The following CEP83 variants were observed in gnomAD, a reference collection of about 807,000 sequenced individuals.
CEP83 encodes centrosomal protein 83.
In CEP83, 70 loss-of-function variants were observed where a neutral mutation model predicts 101.9. The observed-to-expected ratio is 0.69, with a 90% CI of 0.57 to 0.84. The LOEUF is 0.84. Among genes scored for constraint, CEP83 ranks in the 40% least tolerant of loss-of-function variants. The probability of loss-of-function intolerance (pLI) is 0.00; values close to 1 mark genes in which losing one functional copy is unlikely to be tolerated. For missense variants in CEP83, 715 were observed against 787.2 expected (o/e 0.91, Z 1.10); for synonymous variants, 264 against 267.9 (o/e 0.99, Z 0.14).
chr12:94,305,151 A>C, downstream of CEP83: 5 of 1,436,030 alleles, frequency 3.5e-6, no homozygotes, highest in Non-Finnish European at 4.9e-6. Flanking sequence ...AAACCACAAT[A>C]TCTAAAATAA....
intron 11 of CEP83, among the ~76,000 whole-genome samples, chr12:94,341,755 A>G (rs532042427): frequency 4.6e-5 from 7 of 152,368 alleles, no homozygotes; most frequent in Non-Finnish European, 1.0e-4. Context: ...GCTGTTTTAT[A>G]TAGCAAAAAA....
At chr12:94,370,111 G>T (rs1259510866) in intron 8 of CEP83, 75 bp from the exon 9 acceptor site, 2 of 827,134 alleles carry the variant, frequency 2.4e-6, no homozygotes, top group Non-Finnish European at 4.0e-6. Flanking sequence ...AACATAAGTG[G>T]AAACAAGAAA....
intron 11 of CEP83, among the ~76,000 whole-genome samples, chr12:94,350,617 A>C (rs1040561145): frequency 6.6e-6 from 1 of 150,716 alleles, no homozygotes; most frequent in Admixed American, 6.6e-5. Flanking sequence ...AACAACAACA[A>C]CAAAAAAAAA....
chr12:94,265,789 T>C, the CEP83 span, among the ~76,000 whole-genome samples: 5 of 152,218 alleles, frequency 3.3e-5, no homozygotes, highest in Admixed American at 6.5e-5. Flanking sequence ...AGGAAGATGA[T>C]TGCCTAGCTG....
At chr12:94,385,811 C>G (rs1402178260) in intron 6 of CEP83, among the ~76,000 whole-genome samples, 1 of 152,186 alleles carries the variant, frequency 6.6e-6, no homozygotes, top group Non-Finnish European at 1.5e-5. Context: ...CAGTCAACAA[C>G]AGTCCACATA....
chr12:94,362,493 C>G (rs1444707552), intron 11 of CEP83, among the ~76,000 whole-genome samples: 1 of 152,102 alleles, frequency 6.6e-6, no homozygotes, highest in Non-Finnish European at 1.5e-5. Context: ...AATAAATTAG[C>G]CAGGCATGGT....
chr12:94,321,847 G>A (rs1024902360), intron 14 of CEP83, among the ~76,000 whole-genome samples: 4 of 152,032 alleles, frequency 2.6e-5, no homozygotes, highest in African/African-American at 9.7e-5. Context: ...TTCAGGTTGG[G>A]AGGACGTGCT....
chr12:94,416,218 T>C (rs2064251953), intron 2 of CEP83, among the ~76,000 whole-genome samples: 2 of 152,144 alleles, frequency 1.3e-5, no homozygotes, highest in Non-Finnish European at 2.9e-5. Flanking sequence ...ATGGAACAGA[T>C]ATACATTTTC....
intron 1 of CEP83, among the ~76,000 whole-genome samples, chr12:94,456,047 CAAA>C (rs56804581): frequency 3.9e-5 from 5 of 128,290 alleles, no homozygotes; most frequent in Admixed American, 8.0e-5. Context: ...AACTCCATCT[CAAA>C]AAAAAAAAAA....
intron 11 of CEP83, among the ~76,000 whole-genome samples, chr12:94,353,349 G>T (rs1472591513): frequency 6.6e-6 from 1 of 152,088 alleles, no homozygotes; most frequent in Non-Finnish European, 1.5e-5. Flanking sequence ...ATTCTTAAGG[G>T]AGTCCTACAA....
At position 94,424,375 on chromosome 12, in the gene CEP83, T is replaced by G. The variant is rs898821194; in HGVS notation, c.-102+10900A>C. 7 of 1,613,878 alleles carry G rather than the reference T, an allele frequency of 4.3e-6. No individual in the cohort carries two copies. In the Admixed American group the frequency reaches 1.0e-4, roughly 23 times the overall value. On this transcript the variant is annotated intron_variant, in intron 2 of 16. Coordinates refer to ENST00000397809, the MANE Select transcript of CEP83 (RefSeq NM_016122.3). ...GTACTCCAGGGGGTGTCTTAATATA[T>G]TTTCCATTAAAGTGGGTGATGATGG...
At chr12:94,433,852 C>T (rs1001794931) in intron 2 of CEP83, among the ~76,000 whole-genome samples, 3 of 152,014 alleles carry the variant, frequency 2.0e-5, no homozygotes, top group African/African-American at 7.2e-5. Context: ...AAATGGAATC[C>T]AGTTAAAGTG....
intron 6 of CEP83, among the ~76,000 whole-genome samples, chr12:94,398,022 G>A (rs867633068): frequency 3.6e-4 from 55 of 152,162 alleles, no homozygotes; most frequent in African/African-American, 1.3e-3. Flanking sequence ...CAGGTATAGG[G>A]CATATAGAAT....
the CEP83 span, chr12:94,277,962 C>T: frequency 2.2e-6 from 1 of 456,066 alleles, no homozygotes; most frequent in South Asian, 1.5e-5. Context: ...CTCCCCTGAG[C>T]CCTAGGCAAA....
At chr12:94,369,708 T>A in intron 9 of CEP83, 1 of 366,624 alleles carries the variant, frequency 2.7e-6, no homozygotes, top group East Asian at 4.8e-5. Context: ...CCAATAACTA[T>A]GATAAAAACA....
At chr12:94,282,129 CAAAGT>C in the CEP83 span, 255,945 of 565,560 alleles carry the variant, frequency 0.45, 58,727 homozygotes, top group South Asian at 0.55. Context: ...AACAAACAAA[CAAAGT>C]AAAACAGAAC....
At chr12:94,410,999 C>T (rs538018875) in intron 4 of CEP83, among the ~76,000 whole-genome samples, 50 of 152,206 alleles carry the variant, frequency 3.3e-4, no homozygotes, top group African/African-American at 1.2e-3. Flanking sequence ...TTAATAATAC[C>T]TTATTATTTG....
chr12:94,294,581 C>T, the CEP83 span: 14 of 889,238 alleles, frequency 1.6e-5, no homozygotes, highest in Non-Finnish European at 2.6e-5. Flanking sequence ...TCTCACCCAG[C>T]TTCATAAAGT....
chr12:94,436,506 C>T (rs578023949), intron 1 of CEP83, among the ~76,000 whole-genome samples: 7 of 151,998 alleles, frequency 4.6e-5, no homozygotes, highest in Non-Finnish European at 8.8e-5. Context: ...AAAGACAGGG[C>T]TCTCGAATTA....
Sources: gnomAD v4.1 joint callset for allele counts (sites outside exome capture counted in the v4.1 genomes callset) on GRCh38, gnomAD v4.1.1 for gene constraint, MANE v1.5 for transcripts, NCBI Gene and HGNC (gene_info 2026-07-23, HGNC 2026-07-21) for gene names.